CPPED1: variants seen among roughly 807,000 people sequenced by gnomAD.
The protein encoded by CPPED1 is calcineurin like phosphoesterase domain containing 1.
CPPED1 carries 28 observed loss-of-function variants against 28.0 expected under a neutral mutation model. The ratio of observed to expected loss-of-function variants is 1.00; its 90% CI spans 0.74 to 1.37. The LOEUF is 1.37. CPPED1 is among the 40% of genes most tolerant of loss of function. CPPED1 has a pLI of 0.00. For synonymous variants in CPPED1, 198 were observed against 180.2 expected (o/e 1.10, Z -0.79); for missense variants, 504 against 416.5 (o/e 1.21, Z -1.83).
chr16:12,685,026 T>G (rs2079925437), intron 3 of CPPED1, among the ~76,000 whole-genome samples: 2 of 152,182 alleles, frequency 1.3e-5, no homozygotes, highest in South Asian at 4.2e-4. Flanking sequence ...GAGGCCTTAC[T>G]CACGACAGGG....
In CPPED1 at chr16:12,670,079, G is replaced by A. The variant is rs948659272; in HGVS notation, c.716-4964C>T. On this transcript the variant is annotated intron_variant, in intron 3 of 3. Transcript: ENST00000381774. The surrounding 1 kb of genome is among the most constrained non-coding windows in gnomAD (Gnocchi z 4.2). ...TTTGGGAGGCCAAGGTGAGAGGATC[G>A]CTTGAGGCCAGGAGTTCGACCAGCC... Among the ~76,000 whole-genome samples, 1 of 152,116 alleles carries A rather than the reference G, an allele frequency of 6.6e-6. No individual in the cohort carries two copies. Among genetic ancestry groups the A allele is most frequent in the Non-Finnish European group, 1.5e-5 (1 of 68,018 alleles).
intron 2 of CPPED1, among the ~76,000 whole-genome samples, chr16:12,756,063 G>A (rs1360602205): frequency 2.0e-5 from 3 of 151,498 alleles, no homozygotes; most frequent in East Asian, 1.9e-4. Context: ...CCCAGGAGGC[G>A]GAGCTTGCAG....
chr16:12,781,281 T>G lies in CPPED1; in HGVS notation c.193A>C (p.Ile65Leu), dbSNP rs755363187. The G allele has an allele frequency of 1.2e-6, 2 of 1,613,994 alleles. No homozygotes were observed. The highest frequency in any genetic ancestry group is 2.7e-5 in the African/African-American group (2 of 74,900). The change falls in exon 2 of 4, where the codon ATC becomes CTC. Residue 65 changes from isoleucine (I) to leucine (L), a missense_variant. Physicochemically the swap from Ile to Leu is conservative, Grantham distance 5 (BLOSUM62 2). Coordinates refer to ENST00000381774, the MANE Select transcript of CPPED1 (RefSeq NM_018340.3). ...TGGACGGCTTGCTCAGTTAGACGGA[T>G]CTCCTGTTCCCATTCGTCACCGCCA... ...DNGGDEWEQE[I>L]RLTEQAVQAI...
intron 2 of CPPED1, among the ~76,000 whole-genome samples, chr16:12,739,000 G>A (rs934858881): frequency 2.6e-5 from 4 of 152,138 alleles, no homozygotes; most frequent in African/African-American, 4.8e-5. Flanking sequence ...AGCACCACAC[G>A]GTGAAGGGTG....
intron 2 of CPPED1, among the ~76,000 whole-genome samples, chr16:12,723,267 G>A (rs187128096): frequency 3.3e-4 from 50 of 152,272 alleles, no homozygotes; most frequent in African/African-American, 1.1e-3. Flanking sequence ...TGTGACTTCT[G>A]GCTTACTGCA....
At chr16:12,790,949 C>T (rs1216793507) in intron 1 of CPPED1, among the ~76,000 whole-genome samples, 1 of 140,342 alleles carries the variant, frequency 7.1e-6, no homozygotes, top group Non-Finnish European at 1.5e-5. Context: ...AAGAGTAGAA[C>T]ATAGTATTAG....
intron 2 of CPPED1, among the ~76,000 whole-genome samples, chr16:12,727,543 G>C (rs890688720): frequency 6.6e-6 from 1 of 152,070 alleles, no homozygotes; most frequent in Non-Finnish European, 1.5e-5. Context: ...TGTAGAGATG[G>C]GGTCTATGTT....
intron 2 of CPPED1, among the ~76,000 whole-genome samples, chr16:12,747,417 G>A (rs2080296925): frequency 6.8e-6 from 1 of 147,188 alleles, no homozygotes; most frequent in South Asian, 2.2e-4. Flanking sequence ...GGACGAAAAG[G>A]GGGACTCTGT....
chr16:12,717,603 T>G (rs2080114144), intron 2 of CPPED1, among the ~76,000 whole-genome samples: 2 of 151,544 alleles, frequency 1.3e-5, no homozygotes. Context: ...AGGCAATACT[T>G]GTGTTGAAAT....
At chr16:12,671,981 A>C (rs1381604850) in intron 3 of CPPED1, among the ~76,000 whole-genome samples, 1 of 152,236 alleles carries the variant, frequency 6.6e-6, no homozygotes, top group Non-Finnish European at 1.5e-5. Context: ...TAGATATACA[A>C]ATCCTTACCA....
intron 3 of CPPED1, among the ~76,000 whole-genome samples, chr16:12,684,049 C>T (rs894485217): frequency 2.0e-5 from 3 of 152,152 alleles, no homozygotes; most frequent in Non-Finnish European, 4.4e-5. Context: ...TTTCTGGAAG[C>T]CCCACTTGCT....
At chr16:12,696,300 A>G (rs1188472867) in intron 3 of CPPED1, among the ~76,000 whole-genome samples, 2 of 152,184 alleles carry the variant, frequency 1.3e-5, no homozygotes, top group Non-Finnish European at 2.9e-5. Context: ...CCCAGGGGTG[A>G]GAAGCATGCC....
At chr16:12,780,436 A>G (rs2080523341) in intron 2 of CPPED1, among the ~76,000 whole-genome samples, 1 of 152,046 alleles carries the variant, frequency 6.6e-6, no homozygotes, top group African/African-American at 2.4e-5. Flanking sequence ...TCAGCCTCCC[A>G]AAGTGCTGGG....
chr16:12,726,423 A>C (rs771801024), intron 2 of CPPED1, among the ~76,000 whole-genome samples: 2 of 146,254 alleles, frequency 1.4e-5, no homozygotes, highest in Admixed American at 7.0e-5. Flanking sequence ...GCTCACTACA[A>C]TCTCTACCTC....
At chr16:12,674,345 T>C (rs953150400) in intron 3 of CPPED1, among the ~76,000 whole-genome samples, 1 of 151,834 alleles carries the variant, frequency 6.6e-6, no homozygotes, top group Admixed American at 6.6e-5. Flanking sequence ...GCTCAAGGAG[T>C]CTGAAACGAG....
intron 2 of CPPED1, among the ~76,000 whole-genome samples, chr16:12,727,120 G>T (rs1226687943): frequency 1.3e-5 from 2 of 152,214 alleles, no homozygotes; most frequent in African/African-American, 4.8e-5. Context: ...CTGGAGCCCT[G>T]CGTTGGCCAC....
At position 12,781,465 on chromosome 16, in the gene CPPED1, C is replaced by T. The variant is rs866706746; in HGVS notation, c.71-62G>A. ...TTGTAAAATCTGTCATAAAAGCAAC[C>T]AGCTTCCCATGCAAAGTGGATACAC... On this transcript the variant is annotated intron_variant, in intron 1 of 3. Coordinates refer to ENST00000381774, the MANE Select transcript of CPPED1 (RefSeq NM_018340.3). The T allele has an allele frequency of 1.1e-5, 17 of 1,479,850 alleles. No individual in the cohort carries two copies. The Middle Eastern group carries it at 1.4e-3, about 121-fold the overall frequency. The allele number at this position is 1,479,850 out of a possible 1,614,324, so 91.7% of individuals were successfully genotyped here. A position where few individuals can be genotyped will look rare whatever the true frequency, so the allele number is the denominator to read the frequency against.
chr16:12,775,887 A>C (rs989972886), intron 2 of CPPED1, among the ~76,000 whole-genome samples: 1 of 152,228 alleles, frequency 6.6e-6, no homozygotes, highest in African/African-American at 2.4e-5. Flanking sequence ...TAGATAAGAT[A>C]GTAACACAGT....
intron 1 of CPPED1, among the ~76,000 whole-genome samples, chr16:12,791,688 AG>A (rs1358722888): frequency 6.6e-6 from 1 of 152,184 alleles, no homozygotes; most frequent in African/African-American, 2.4e-5. Flanking sequence ...AGTCCATCTC[AG>A]GCAGTTGCTG....
Sources: allele counts gnomAD v4.1 joint callset (sites outside exome capture counted in the v4.1 genomes callset), GRCh38; gene constraint gnomAD v4.1.1; non-coding constraint Gnocchi (gnomAD v3.1); transcripts MANE v1.5; gene names NCBI Gene and HGNC (gene_info 2026-07-23, HGNC 2026-07-21).